The following TRAPPC9 variants were observed in gnomAD, a reference collection of about 807,000 sequenced individuals.
The protein encoded by TRAPPC9 is trafficking protein particle complex subunit 9, also known as IKK2 binding protein.
Under a neutral mutation model 124.0 loss-of-function variants are expected in TRAPPC9, and 83 were observed. The ratio of observed to expected loss-of-function variants is 0.67; its 90% CI spans 0.56 to 0.80. TRAPPC9 has a LOEUF of 0.80. Among genes scored for constraint, TRAPPC9 ranks in the 30% least tolerant of loss-of-function variants. TRAPPC9 has a pLI of 0.00. For missense variants in TRAPPC9, 1,302 were observed against 1,508.3 expected (o/e 0.86, Z 2.27); for synonymous variants, 638 against 617.5 (o/e 1.03, Z -0.49).
chr8:140,184,488 T>A (rs2062306282), intron 17 of TRAPPC9, among the ~76,000 whole-genome samples: 1 of 152,152 alleles, frequency 6.6e-6, no homozygotes, highest in East Asian at 1.9e-4. Context: ...CAGGCTGGAG[T>A]GCAGTGCCAC....
chr8:140,090,599 C>T (rs535684324), intron 17 of TRAPPC9, among the ~76,000 whole-genome samples: 21 of 152,374 alleles, frequency 1.4e-4, no homozygotes, highest in Admixed American at 1.3e-4. Flanking sequence ...TTCCTGGCCA[C>T]GCCAGCTGCG....
intron 17 of TRAPPC9, among the ~76,000 whole-genome samples, chr8:140,203,504 A>T (rs993145276): frequency 6.6e-6 from 1 of 152,236 alleles, no homozygotes; most frequent in Non-Finnish European, 1.5e-5. Context: ...GGACAGTGAC[A>T]GTGCTGAATG....
chr8:140,455,376 A>G (rs1588391137), intron 1 of TRAPPC9, among the ~76,000 whole-genome samples: 1 of 151,626 alleles, frequency 6.6e-6, no homozygotes, highest in Non-Finnish European at 1.5e-5. Context: ...CAGGTGATCC[A>G]CCCGCCTCAG....
chr8:140,209,103 A>G (rs2062995341), intron 17 of TRAPPC9, among the ~76,000 whole-genome samples: 1 of 152,154 alleles, frequency 6.6e-6, no homozygotes, highest in Non-Finnish European at 1.5e-5. Context: ...ATAGGCCCTG[A>G]AGGGGCCCCG....
chr8:140,081,007 G>A (rs1457184845), intron 17 of TRAPPC9, among the ~76,000 whole-genome samples: 1 of 152,176 alleles, frequency 6.6e-6, no homozygotes, highest in Non-Finnish European at 1.5e-5. Flanking sequence ...CTGGACTCCT[G>A]CTGTGCCACC....
chr8:140,118,175 T>C (rs2060924304), intron 17 of TRAPPC9, among the ~76,000 whole-genome samples: 1 of 152,176 alleles, frequency 6.6e-6, no homozygotes, highest in Non-Finnish European at 1.5e-5. Context: ...GGCGCTTTGA[T>C]ACCGAGGAGC....
chr8:139,976,927 G>T (rs1233306899), intron 19 of TRAPPC9, among the ~76,000 whole-genome samples: 1 of 152,186 alleles, frequency 6.6e-6, no homozygotes, highest in East Asian at 1.9e-4. Flanking sequence ...CTGGTGAGCT[G>T]CCAGAAGTGT....
At chr8:139,892,575 A>G (rs1830416989) in intron 20 of TRAPPC9, among the ~76,000 whole-genome samples, 1 of 152,190 alleles carries the variant, frequency 6.6e-6, no homozygotes, top group Admixed American at 6.5e-5. Flanking sequence ...GTCACGGGTA[A>G]CACGCACCAC....
chr8:139,903,129 T>C (rs752862366), intron 20 of TRAPPC9, among the ~76,000 whole-genome samples: 2 of 152,152 alleles, frequency 1.3e-5, no homozygotes, highest in African/African-American at 4.8e-5. Context: ...CAAGGCCCCC[T>C]GTACTGAGAT....
At chr8:140,300,654 G>C (rs1435034061) in intron 10 of TRAPPC9, 40 bp from the exon 11 acceptor site, 2 of 1,613,440 alleles carry the variant, frequency 1.2e-6, no homozygotes, top group Non-Finnish European at 1.7e-6. Context: ...CAACTGTCTG[G>C]TTAGCGTGGT....
chr8:140,310,769 G>A (rs2066275755), intron 10 of TRAPPC9, among the ~76,000 whole-genome samples: 1 of 152,096 alleles, frequency 6.6e-6, no homozygotes, highest in Non-Finnish European at 1.5e-5. Flanking sequence ...CAGACAGAAT[G>A]AAGCCAGGAG....
rs368665087 is a variant in TRAPPC9 at position 139,776,528 on chromosome 8, C to T, written c.3056-44326G>A. On this transcript the variant is annotated intron_variant, in intron 21 of 22. Transcript: ENST00000438773. This position sits in a 1 kb window ranked among gnomAD's most constrained non-coding sequence, Gnocchi z 4.1. ...GCAAACGGGAGCTTCATCGCAATAG[C>T]GACTGCCTAATTAGGAAGGCACAGC... is the stretch of plus-strand genomic sequence containing the variant. 3.3e-5 allele frequency among the ~76,000 whole-genome samples: 5 copies of T among 152,176 alleles called. No individual in the cohort carries two copies. Among genetic ancestry groups the T allele is most frequent in the African/African-American group, 1.2e-4 (5 of 41,442 alleles).
chr8:140,259,473 C>G (rs2064349228), intron 15 of TRAPPC9, among the ~76,000 whole-genome samples: 1 of 152,132 alleles, frequency 6.6e-6, no homozygotes, highest in Non-Finnish European at 1.5e-5. Flanking sequence ...GACAAAGGGC[C>G]CTGGGTTCAG....
chr8:139,978,702 G>A (rs1320377388), intron 19 of TRAPPC9, among the ~76,000 whole-genome samples: 2 of 152,294 alleles, frequency 1.3e-5, no homozygotes, highest in African/African-American at 2.4e-5. Flanking sequence ...ACCACACAGC[G>A]ATGGCTGTGT....
chr8:140,057,606 GA>G (rs1487526953), intron 17 of TRAPPC9, among the ~76,000 whole-genome samples: 1 of 152,178 alleles, frequency 6.6e-6, no homozygotes, highest in Non-Finnish European at 1.5e-5. Flanking sequence ...AACACTGCAC[GA>G]TTCTGCTTAG....
intron 18 of TRAPPC9, among the ~76,000 whole-genome samples, chr8:140,016,745 C>A (rs527610929): frequency 6.6e-6 from 1 of 152,040 alleles, no homozygotes; most frequent in African/African-American, 2.4e-5. Flanking sequence ...AAAGCTGTTA[C>A]GAAAATACTT....
chr8:140,263,186 C>T (rs73366912), intron 15 of TRAPPC9, among the ~76,000 whole-genome samples: 191 of 152,300 alleles, frequency 1.3e-3, no homozygotes, highest in African/African-American at 4.4e-3. Flanking sequence ...GACAGGTGAG[C>T]ACCAGAGGGA....
chr8:139,786,316 C>A (rs558665454), intron 21 of TRAPPC9, among the ~76,000 whole-genome samples: 4 of 152,104 alleles, frequency 2.6e-5, no homozygotes, highest in Non-Finnish European at 4.4e-5. Flanking sequence ...TACTTAACAC[C>A]GTGAGTCAGT....
rs749239379 is a variant in TRAPPC9, at chr8:140,024,000, C to T, written c.2636G>A (p.Gly879Glu). The T allele has an allele frequency of 1.9e-6, 3 of 1,614,072 alleles. No homozygotes were observed. Among genetic ancestry groups the T allele is most frequent in the South Asian group, 2.2e-5 (2 of 91,070 alleles). ...TEGYYRNLSL[G>E]LHVEVEPSVF... ...AGACGGCTCGACTTCTACATGCAGC[C>T]CCAGGGAGAGATTCCTGTAATATCC... The change falls in exon 18 of 23, where the codon GGG becomes GAG. Residue 879 changes from glycine to glutamate, a missense_variant. Around this residue, in one of 3 missense-constraint regions of TRAPPC9, gnomAD observed 640 missense variants for 679.3 expected, o/e 0.94. Transcript: ENST00000438773.
Sources: gnomAD v4.1 joint callset for allele counts (sites outside exome capture counted in the v4.1 genomes callset) on GRCh38, gnomAD v4.1.1 for gene constraint, gnomAD v4.1.1 regional missense constraint, Gnocchi (gnomAD v3.1) non-coding constraint, MANE v1.5 for transcripts, NCBI Gene and HGNC (gene_info 2026-07-23, HGNC 2026-07-21) for gene names.